USP54: variants seen among roughly 807,000 people sequenced by gnomAD.
USP54 encodes ubiquitin specific peptidase 54.
USP54 carries 87 observed loss-of-function variants against 170.5 expected under a neutral mutation model. The ratio of observed to expected loss-of-function variants is 0.51; its 90% CI spans 0.43 to 0.61. USP54 has a LOEUF of 0.61. Ranked by LOEUF, USP54 falls within the 20% of genes least tolerant of loss-of-function variation. The pLI, the probability that USP54 is intolerant of heterozygous loss-of-function variation, is 0.00. For missense variants in USP54, 1,786 were observed against 2,047.8 expected, an observed-to-expected ratio of 0.87 and a Z score of 2.47; for synonymous variants, 655 against 742.8, an observed-to-expected ratio of 0.88 and a Z score of 1.92.
chr10:73,569,835 A>T (rs1385844603), intron 4 of USP54, among the ~76,000 whole-genome samples: 1 of 144,018 alleles, frequency 6.9e-6, no homozygotes. Context: ...ATGAGCCTGT[A>T]ATCCCAGCCT....
rs1411286588 is a variant in USP54, at chr10:73,526,630, A to G, written c.2194+17T>C. On this transcript the variant is annotated intron_variant, in intron 16 of 23. Coordinates refer to ENST00000687698, the MANE Select transcript of USP54 (RefSeq NM_001391956.1). ...CCGGTCAAATCCAGTCCTCAAATTC[A>G]GTGTCATTCTGCTTACCAGAGAAAG... is the stretch of plus-strand genomic sequence containing the variant. 4 of 1,612,740 alleles carry G rather than the reference A, an allele frequency of 2.5e-6. No individual in the cohort carries two copies. The highest frequency in any genetic ancestry group is 3.4e-6 in the Non-Finnish European group (4 of 1,179,554).
At chr10:73,602,851 G>C (rs2079294815) in intron 1 of USP54, among the ~76,000 whole-genome samples, 1 of 92,390 alleles carries the variant, frequency 1.1e-5, no homozygotes, top group South Asian at 3.9e-4. Flanking sequence ...GCAAGACTCT[G>C]TCTCAAAAAA....
intron 10 of USP54, 72 bp from the exon 11 acceptor site, chr10:73,536,509 T>C: frequency 7.2e-7 from 1 of 1,397,128 alleles, no homozygotes; most frequent in Non-Finnish European, 9.4e-7. Flanking sequence ...ATCTTTCTGT[T>C]CTGTATTTCT....
chr10:73,581,877 T>C (rs2076938897), intron 1 of USP54, among the ~76,000 whole-genome samples: 1 of 152,190 alleles, frequency 6.6e-6, no homozygotes, highest in South Asian at 2.1e-4. Flanking sequence ...TCATTACAGA[T>C]TAAGGTTGCC....
intron 4 of USP54, among the ~76,000 whole-genome samples, chr10:73,554,871 A>G (rs1404291776): frequency 6.6e-6 from 1 of 152,236 alleles, no homozygotes; most frequent in African/African-American, 2.4e-5. Context: ...CTATAATCCC[A>G]GCACTTTGGG....
At chr10:73,589,812 A>G (rs1446866481) in intron 1 of USP54, among the ~76,000 whole-genome samples, 2 of 152,182 alleles carry the variant, frequency 1.3e-5, no homozygotes. Context: ...ATACCAAAGA[A>G]AGGAGAATAT....
intron 1 of USP54, among the ~76,000 whole-genome samples, chr10:73,601,996 T>C (rs1427942459): frequency 6.6e-6 from 1 of 152,236 alleles, no homozygotes; most frequent in East Asian, 1.9e-4. Context: ...GAATCATGCC[T>C]TCTTTCAAAA....
intron 1 of USP54, among the ~76,000 whole-genome samples, chr10:73,624,173 TA>T (rs1564974611): frequency 7.1e-5 from 8 of 112,660 alleles, no homozygotes; most frequent in South Asian, 3.5e-4. Context: ...TATATATATA[TA>T]TATATATATA....
intron 1 of USP54, among the ~76,000 whole-genome samples, chr10:73,588,044 A>G (rs2077728723): frequency 6.6e-6 from 1 of 152,166 alleles, no homozygotes; most frequent in African/African-American, 2.4e-5. Context: ...TATATGCATT[A>G]TCTCTCCCCC....
intron 5 of USP54, among the ~76,000 whole-genome samples, chr10:73,544,910 C>T (rs758985042): frequency 1.3e-5 from 2 of 151,852 alleles, no homozygotes; most frequent in Non-Finnish European, 2.9e-5. Flanking sequence ...GATGGGGTTT[C>T]GCTACGTTGG....
rs1383544412 is a variant in USP54, at chr10:73,517,735, G to A, written c.2691C>T (p.Ile897=). The A allele has an allele frequency of 6.2e-7, 1 of 1,611,830 alleles. No homozygotes were observed. The highest frequency in any genetic ancestry group is 1.7e-4 in the Middle Eastern group (1 of 6,038). The change falls in exon 20 of 24, where the codon ATC becomes ATT. Residue 897 remains isoleucine (I), a synonymous_variant. Coordinates refer to ENST00000687698, the MANE Select transcript of USP54 (RefSeq NM_001391956.1). ...CTTGGCTTAACAATACTTGGAGCGGGATAGGCTGTTCACTGAAACAAATGG... is the reference window on the plus strand; with the variant it reads ...CTTGGCTTAACAATACTTGGAGCGGAATAGGCTGTTCACTGAAACAAATGG... ...TLSQPTSEQP[I]PLQVLLSQEA... is the part of the protein sequence containing the mutation.
chr10:73,596,720 C>CAAAAAAA (rs36049099), intron 1 of USP54, among the ~76,000 whole-genome samples: 1 of 91,862 alleles, frequency 1.1e-5, no homozygotes, highest in African/African-American at 4.5e-5. Flanking sequence ...GATCCTGTCT[C>CAAAAAAA]AAAAAAAAAA....
intron 10 of USP54, among the ~76,000 whole-genome samples, chr10:73,537,394 T>C (rs1036975383): frequency 2.6e-5 from 4 of 152,206 alleles, no homozygotes; most frequent in Non-Finnish European, 5.9e-5. Flanking sequence ...GCTTAAAGTC[T>C]GTGGATTGGT....
chr10:73,516,296 C>T (rs371635737), intron 20 of USP54, 79 bp downstream of exon 20: 1 of 1,451,660 alleles, frequency 6.9e-7, no homozygotes, highest in Non-Finnish European at 9.3e-7. Flanking sequence ...CTGTATAGAA[C>T]ACTCCCTTCT....
At chr10:73,571,634 C>A in intron 3 of USP54, 121 bp from the exon 4 acceptor site, 1 of 681,414 alleles carries the variant, frequency 1.5e-6, no homozygotes, top group Non-Finnish European at 2.4e-6. Context: ...CAAAAGAAAA[C>A]TTCATTCTAG....
At position 73,516,325 on chromosome 10, in the gene USP54, G is replaced by A. The variant is rs144909665; in HGVS notation, c.4051+50C>T. 11,528 of 1,548,444 alleles carry A rather than the reference G, an allele frequency of 7.4e-3. 98 individuals are homozygous for A. Among genetic ancestry groups the A allele is most frequent in the South Asian group, 0.027 (2,155 of 80,028 alleles). On this transcript the variant is annotated intron_variant, in intron 20 of 23. Transcript: ENST00000687698. ...CCCTTCTGATCTTTCCCTGCTTTCAGCTTTTATATGATCCTCCCCCCTCCC... is the reference window on the plus strand; with the variant it reads ...CCCTTCTGATCTTTCCCTGCTTTCAACTTTTATATGATCCTCCCCCCTCCC...
intron 4 of USP54, among the ~76,000 whole-genome samples, chr10:73,554,834 C>T: frequency 6.6e-6 from 1 of 152,134 alleles, no homozygotes; most frequent in Non-Finnish European, 1.5e-5. Flanking sequence ...GAAACATGAC[C>T]ATAAGGCTGG....
rs2058851186 is a variant in USP54, at chr10:73,505,009, A to G, written c.4171-19T>C. The G allele has an allele frequency of 1.2e-6, 2 of 1,613,938 alleles. No homozygotes were observed. Among genetic ancestry groups the G allele is most frequent in the Non-Finnish European group, 8.5e-7 (1 of 1,179,964 alleles). ...GTGTAGCCTTCAAACACACAGACACATACAGGCAGACACATAATACCAGAC... is the reference window on the plus strand; with the variant it reads ...GTGTAGCCTTCAAACACACAGACACGTACAGGCAGACACATAATACCAGAC... On this transcript the variant is annotated intron_variant, in intron 21 of 23. Coordinates refer to ENST00000687698, the MANE Select transcript of USP54 (RefSeq NM_001391956.1).
intron 17 of USP54, among the ~76,000 whole-genome samples, chr10:73,522,309 C>T (rs544304493): frequency 1.2e-4 from 18 of 152,306 alleles, no homozygotes; most frequent in South Asian, 4.1e-4. Flanking sequence ...AGAGGTAGGG[C>T]GTAGAGCCAT....
Sources: allele counts gnomAD v4.1 joint callset (sites outside exome capture counted in the v4.1 genomes callset), GRCh38; gene constraint gnomAD v4.1.1; transcripts MANE v1.5; gene names NCBI Gene and HGNC (gene_info 2026-07-23, HGNC 2026-07-21).